Variants in CPXM2 observed in about 807,000 individuals in gnomAD.
The protein encoded by CPXM2 is inactive carboxypeptidase-like protein X2.
A neutral mutation model predicts 86.1 loss-of-function variants in CPXM2; 66 were observed. The ratio of observed to expected loss-of-function variants is 0.77; its 90% CI spans 0.63 to 0.94. The LOEUF (loss-of-function observed/expected upper bound fraction) is 0.94, where lower values mean the gene tolerates loss of function less well. Ranked by LOEUF, CPXM2 falls within the 40% of genes least tolerant of loss-of-function variation. The probability of loss-of-function intolerance (pLI) is 0.00; values close to 1 mark genes in which losing one functional copy is unlikely to be tolerated. For synonymous variants in CPXM2, 388 were observed against 400.2 expected (o/e 0.97, Z 0.36); for missense variants, 948 against 1,026.3 (o/e 0.92, Z 1.04).
chr10:123,919,556 A>C (rs1945564733), intron 2 of CPXM2, among the ~76,000 whole-genome samples: 2 of 152,234 alleles, frequency 1.3e-5, no homozygotes, highest in African/African-American at 2.4e-5. Flanking sequence ...GTAAAGAAAT[A>C]GAACCAGTAG....
At chr10:123,944,068 T>C (rs1439698509), upstream of CPXM2, among the ~76,000 whole-genome samples, 1 of 152,152 alleles carries the variant, frequency 6.6e-6, no homozygotes, top group East Asian at 1.9e-4. Flanking sequence ...AAAGTGTCCA[T>C]GATGTTTGCA....
At chr10:123,939,859 G>A (rs753861790) in intron 1 of CPXM2, among the ~76,000 whole-genome samples, 8 of 152,186 alleles carry the variant, frequency 5.3e-5, no homozygotes, top group Non-Finnish European at 1.2e-4. Flanking sequence ...CCCAAGTGCA[G>A]GAACCCCATG....
At chr10:123,931,649 T>A (rs1395365200) in intron 2 of CPXM2, 1 of 152,214 alleles carries the variant, frequency 6.6e-6, no homozygotes. Context: ...AAACAATGGA[T>A]AAGTTGAACT....
In CPXM2 at chr10:123,937,464, CAA is replaced by C. The variant is rs764089836; in HGVS notation, n.174+2011_174+2012del. On this transcript the variant is annotated intron_variant and non_coding_transcript_variant, in intron 2 of 19. Coordinates refer to the CPXM2 transcript ENST00000368854. ...TCAGTCTGTTAGAAAAACAAGACAACAAAACAACACACACACACACACACACA... is the reference window on the plus strand; with the variant it reads ...TCAGTCTGTTAGAAAAACAAGACAACAACAACACACACACACACACACACA... Among the ~76,000 whole-genome samples the C allele has an allele frequency of 2.7e-4, 32 of 119,628 alleles. 1 individual carries two copies. Among genetic ancestry groups the C allele is most frequent in the African/African-American group, 3.9e-4 (11 of 28,338 alleles). The allele number at this position is 119,628 out of a possible 152,430, so 78.5% of individuals were successfully genotyped here. A position where few individuals can be genotyped will look rare whatever the true frequency, so the allele number is the denominator to read the frequency against.
At chr10:123,826,186 C>A (rs1011588699) in intron 4 of CPXM2, among the ~76,000 whole-genome samples, 2 of 152,184 alleles carry the variant, frequency 1.3e-5, no homozygotes, top group Admixed American at 6.5e-5. Flanking sequence ...CTCAGTCACA[C>A]AGAAAGTGGC....
In CPXM2 at chr10:123,823,775, C is replaced by A. The variant is rs541060687; in HGVS notation, c.653+18574G>T. ...AAGATGATAACTAATTTAAAAGAAT[C>A]TGGGGAAAGAGTACTAAAAGCATTT... On this transcript the variant is annotated intron_variant, in intron 4 of 13. Transcript: ENST00000241305. Among the ~76,000 whole-genome samples the A allele has an allele frequency of 4.6e-5, 7 of 152,154 alleles. No individual in the cohort carries two copies. In the South Asian group the frequency reaches 1.2e-3, roughly 27 times the overall value.
At chr10:123,939,750 G>C (rs905515102) in intron 1 of CPXM2, among the ~76,000 whole-genome samples, 1 of 152,110 alleles carries the variant, frequency 6.6e-6, no homozygotes, top group African/African-American at 2.4e-5. Flanking sequence ...TGCTAAGTGG[G>C]AGCACAGAGG....
intron 6 of CPXM2, among the ~76,000 whole-genome samples, chr10:123,792,682 G>C (rs952583069): frequency 1.3e-4 from 20 of 152,230 alleles, no homozygotes; most frequent in Admixed American, 5.9e-4. Flanking sequence ...GGTTCCCCTT[G>C]CTGGGATGAC....
intron 2 of CPXM2, among the ~76,000 whole-genome samples, chr10:123,939,312 G>A (rs1025148607): frequency 9.9e-5 from 15 of 152,150 alleles, no homozygotes; most frequent in African/African-American, 3.1e-4. Flanking sequence ...GGCACCAAGC[G>A]GGGCCCAGCA....
intron 11 of CPXM2, 143 bp downstream of exon 11, chr10:123,761,729 A>ATCTCG: frequency 1.4e-6 from 1 of 724,444 alleles, no homozygotes; most frequent in Admixed American, 2.8e-5. Context: ...TGCTTAGGAA[A>ATCTCG]GTGCTGGCAG....
intron 2 of CPXM2, among the ~76,000 whole-genome samples, chr10:123,901,683 C>T (rs1945382734): frequency 6.6e-6 from 1 of 152,074 alleles, no homozygotes; most frequent in Non-Finnish European, 1.5e-5. Flanking sequence ...AGTCAAGTGG[C>T]CATTTGCTGA....
chr10:123,836,734 G>A (rs1848289722), intron 4 of CPXM2, among the ~76,000 whole-genome samples: 1 of 152,158 alleles, frequency 6.6e-6, no homozygotes, highest in Non-Finnish European at 1.5e-5. Flanking sequence ...GTGAAGGCTT[G>A]GAACAGCCCT....
At chr10:123,830,868 C>CTG (rs1564788804) in intron 4 of CPXM2, among the ~76,000 whole-genome samples, 1 of 97,654 alleles carries the variant, frequency 1.0e-5, no homozygotes, top group East Asian at 4.3e-4. Context: ...CTCTCTCTCT[C>CTG]TCTCTGTGTG....
chr10:123,767,433 C>A (rs1846505116), intron 9 of CPXM2, among the ~76,000 whole-genome samples: 1 of 152,188 alleles, frequency 6.6e-6, no homozygotes, highest in African/African-American at 2.4e-5. Flanking sequence ...TTCTTCCACC[C>A]CTACCTTCCT....
intron 6 of CPXM2, among the ~76,000 whole-genome samples, chr10:123,792,205 C>T (rs1847220731): frequency 2.0e-5 from 3 of 152,120 alleles, no homozygotes; most frequent in Admixed American, 2.0e-4. Flanking sequence ...AATGAGGCAG[C>T]CACAGAACAA....
intron 1 of CPXM2, among the ~76,000 whole-genome samples, chr10:123,883,843 C>A (rs1392291594): frequency 6.6e-6 from 1 of 152,128 alleles, no homozygotes; most frequent in Non-Finnish European, 1.5e-5. Flanking sequence ...ACAAGAAAGG[C>A]AGCATATGGT....
chr10:123,913,517 G>A (rs75355453), intron 2 of CPXM2: 2,772 of 164,464 alleles, frequency 0.017, 91 homozygotes, highest in African/African-American at 0.063. Flanking sequence ...ATATACGCAT[G>A]TATTCCGCAC....
At chr10:123,812,387 AT>A (rs1233655378) in intron 4 of CPXM2, among the ~76,000 whole-genome samples, 3 of 152,250 alleles carry the variant, frequency 2.0e-5, no homozygotes, top group South Asian at 2.1e-4. Context: ...CAAGAAAAAT[AT>A]TTTTTTCATA....
intron 2 of CPXM2, among the ~76,000 whole-genome samples, chr10:123,929,031 C>T (rs571478003): frequency 2.0e-4 from 30 of 152,308 alleles, no homozygotes; most frequent in African/African-American, 5.5e-4. Context: ...TAGCTGGTAC[C>T]TCTCCTAGGC....
Sources: allele counts gnomAD v4.1 joint callset (sites outside exome capture counted in the v4.1 genomes callset), GRCh38; gene constraint gnomAD v4.1.1; transcripts MANE v1.5; gene names NCBI Gene and HGNC (gene_info 2026-07-23, HGNC 2026-07-21).